CAB39L: variants seen among roughly 807,000 people sequenced by gnomAD.
CAB39L encodes the protein calcium binding protein 39 like, also known as calcium-binding protein 39-like.
In CAB39L, 23 loss-of-function variants were observed where a neutral mutation model predicts 39.1. The observed-to-expected ratio is 0.59, with a 90% CI of 0.42 to 0.83. CAB39L has a LOEUF of 0.83. CAB39L is among the 40% of genes least tolerant of loss of function. The pLI is 0.00. For synonymous variants in CAB39L, 126 were observed against 137.2 expected (o/e 0.92, Z 0.57); for missense variants, 366 against 391.9 (o/e 0.93, Z 0.56).
At chr13:49,351,506 C>A (rs149683966) in intron 6 of CAB39L, among the ~76,000 whole-genome samples, 2 of 152,174 alleles carry the variant, frequency 1.3e-5, no homozygotes, top group Non-Finnish European at 2.9e-5. Context: ...GGGGCCAGAT[C>A]CCAGATCAGA....
At chr13:49,340,498 T>A (rs1954978044) in intron 8 of CAB39L, among the ~76,000 whole-genome samples, 1 of 152,190 alleles carries the variant, frequency 6.6e-6, no homozygotes, top group Non-Finnish European at 1.5e-5. Flanking sequence ...TGTGCCGCTG[T>A]GTAATGAGGG....
In CAB39L at chr13:49,309,717, T is replaced by C. The variant is rs1268859619; in HGVS notation, c.*1097A>G. The C allele has an allele frequency of 6.6e-6, 1 of 152,190 alleles. No homozygotes were observed. The highest frequency in any genetic ancestry group is 1.5e-5 in the Non-Finnish European group (1 of 68,032). The allele number at this position is 152,190 out of a possible 1,614,324, so 9.4% of individuals were successfully genotyped here. On this transcript the variant is annotated 3_prime_UTR_variant, in exon 11 of 11. Transcript: ENST00000409308. ...TTCAGGACCAAAACTGTATAGGCTT[T>C]CTATGTGTTCACTAAAGACTGTGAT...
chr13:49,341,583 G>A (rs1454313324), intron 8 of CAB39L, among the ~76,000 whole-genome samples: 5 of 152,174 alleles, frequency 3.3e-5, no homozygotes, highest in African/African-American at 1.2e-4. Context: ...AGAGGCTGGG[G>A]AAGGTAGGAG....
chr13:49,413,870 C>G (rs1957037883), intron 3 of CAB39L: 1 of 152,166 alleles, frequency 6.6e-6, no homozygotes, highest in South Asian at 2.1e-4. Flanking sequence ...CTGGATTTTC[C>G]CTGTGCCTTT....
chr13:49,347,262 T>C (rs953988416), intron 7 of CAB39L, among the ~76,000 whole-genome samples: 7 of 152,214 alleles, frequency 4.6e-5, no homozygotes, highest in Non-Finnish European at 1.0e-4. Flanking sequence ...TTGGCTTAAA[T>C]ACAAATCAAA....
intron 5 of CAB39L, among the ~76,000 whole-genome samples, chr13:49,361,477 C>CAAAAAAAA (rs33984866): frequency 8.3e-4 from 45 of 54,438 alleles, no homozygotes; most frequent in South Asian, 2.2e-3. Context: ...GACTTCATCT[C>CAAAAAAAA]AAAAAAAAAA....
intron 3 of CAB39L, among the ~76,000 whole-genome samples, chr13:49,387,824 C>T (rs9535220): frequency 0.55 from 82,840 of 151,988 alleles, 23,979 homozygotes; most frequent in African/African-American, 0.72. Context: ...CATATAAATA[C>T]ACACATGCCC....
intron 1 of CAB39L, among the ~76,000 whole-genome samples, chr13:49,440,516 TTGAAACA>T (rs1202030420): frequency 6.6e-6 from 1 of 151,946 alleles, no homozygotes; most frequent in Non-Finnish European, 1.5e-5. Context: ...AAAGTATAAT[TTGAAACA>T]AGCTACACAT....
At chr13:49,433,234 A>C in intron 3 of CAB39L, 84 bp downstream of exon 3, 1 of 326,440 alleles carries the variant, frequency 3.1e-6, no homozygotes, top group Middle Eastern at 4.2e-4. Flanking sequence ...TATTCCTGAT[A>C]CATTTTATTT....
At chr13:49,332,714 T>C (rs186768755) in intron 9 of CAB39L, among the ~76,000 whole-genome samples, 2 of 152,028 alleles carry the variant, frequency 1.3e-5, no homozygotes, top group Admixed American at 6.5e-5. Context: ...ATACCCAAAG[T>C]AAGAATAGTT....
chr13:49,379,844 CTTT>C (rs199610486), intron 4 of CAB39L, among the ~76,000 whole-genome samples: 7 of 139,386 alleles, frequency 5.0e-5, no homozygotes, highest in Non-Finnish European at 4.7e-5. Context: ...ACTAAATAAT[CTTT>C]TTTTTTTTTT....
At chr13:49,371,397 C>T (rs1293953173) in intron 5 of CAB39L, among the ~76,000 whole-genome samples, 1 of 152,028 alleles carries the variant, frequency 6.6e-6, no homozygotes, top group East Asian at 1.9e-4. Flanking sequence ...GCCACGTTGG[C>T]GAGGCTGGTC....
At chr13:49,395,183 C>A (rs759864906) in intron 3 of CAB39L, among the ~76,000 whole-genome samples, 2 of 150,604 alleles carry the variant, frequency 1.3e-5, no homozygotes, top group Non-Finnish European at 3.0e-5. Flanking sequence ...AAACAAATAA[C>A]CTTTTTTTTT....
At chr13:49,417,465 G>A (rs904198890) in intron 3 of CAB39L, among the ~76,000 whole-genome samples, 14 of 152,064 alleles carry the variant, frequency 9.2e-5, no homozygotes, top group African/African-American at 3.4e-4. Context: ...TAACACTACT[G>A]TACCAGATAG....
intron 5 of CAB39L, among the ~76,000 whole-genome samples, chr13:49,365,882 T>C (rs945326369): frequency 2.0e-4 from 30 of 152,166 alleles, no homozygotes; most frequent in African/African-American, 7.2e-4. Flanking sequence ...ATAGCCAAGA[T>C]TTGGAAACAA....
At chr13:49,406,944 TGTCA>T (rs1471469644) in intron 3 of CAB39L, among the ~76,000 whole-genome samples, 4 of 152,214 alleles carry the variant, frequency 2.6e-5, no homozygotes, top group Admixed American at 6.5e-5. Context: ...AGCATATAAC[TGTCA>T]GTAGTGAGTC....
At chr13:49,437,691 T>C (rs1957439314) in intron 1 of CAB39L, among the ~76,000 whole-genome samples, 1 of 152,246 alleles carries the variant, frequency 6.6e-6, no homozygotes, top group Admixed American at 6.5e-5. Context: ...TTGCTAGCTA[T>C]TAATGTATGC....
At position 49,388,769 on chromosome 13, in the gene CAB39L, T is replaced by C. The variant is rs924323161; in HGVS notation, c.-31-5828A>G. On this transcript the variant is annotated intron_variant, in intron 3 of 10. Transcript: ENST00000409308. ...GAATAAAAATAAATAAGGATTCAAC[T>C]AAAGAAGTTAAAAAGGAAACTGCCC... 3.9e-5 allele frequency among the ~76,000 whole-genome samples: 6 copies of C among 152,044 alleles called. No individual in the cohort carries two copies. In the East Asian group the frequency reaches 5.8e-4, roughly 15 times the overall value.
chr13:49,442,801 AAAAAAAAAAAAAAAAAAAC>A (rs1566146157), intron 1 of CAB39L, among the ~76,000 whole-genome samples: 3 of 150,310 alleles, frequency 2.0e-5, no homozygotes, highest in African/African-American at 7.4e-5. Context: ...AAAAAAAAAA[AAAAAAAAAAAAAAAAAAAC>A]ATCAATTATT....
Sources: allele counts gnomAD v4.1 joint callset (sites outside exome capture counted in the v4.1 genomes callset), GRCh38; gene constraint gnomAD v4.1.1; transcripts MANE v1.5; gene names NCBI Gene and HGNC (gene_info 2026-07-23, HGNC 2026-07-21).